CACNG7: variants seen among roughly 807,000 people sequenced by gnomAD.
CACNG7 encodes the protein calcium voltage-gated channel auxiliary subunit gamma 7.
A neutral mutation model predicts 26.3 loss-of-function variants in CACNG7; 9 were observed. The ratio of observed to expected loss-of-function variants is 0.34; its 90% CI spans 0.21 to 0.60. The LOEUF is 0.60. Ranked by LOEUF, CACNG7 falls within the 20% of genes least tolerant of loss-of-function variation. CACNG7 has a pLI of 0.81. For synonymous variants in CACNG7, 170 were observed against 157.0 expected, an observed-to-expected ratio of 1.08 and a Z score of -0.62; for missense variants, 297 against 380.4, an observed-to-expected ratio of 0.78 and a Z score of 1.82.
At chr19:53,911,801 G>A (rs1245189911) in intron 1 of CACNG7, among the ~76,000 whole-genome samples, 2 of 152,122 alleles carry the variant, frequency 1.3e-5, no homozygotes, top group African/African-American at 4.8e-5. Flanking sequence ...CTTAAATTGG[G>A]GTATCAAATG....
chr19:53,927,085 A>G (rs113223217), intron 4 of CACNG7, among the ~76,000 whole-genome samples: 2,978 of 151,644 alleles, frequency 0.02, 103 homozygotes, highest in African/African-American at 0.068. Flanking sequence ...ACGCCTGGCT[A>G]ATTTTTGTAT....
At chr19:53,924,836 GTTGCCCCAGGTCTGGTCATTGGTGGAC>G (rs2069010839) in intron 4 of CACNG7, among the ~76,000 whole-genome samples, 6 of 119,278 alleles carry the variant, frequency 5.0e-5, no homozygotes, top group Non-Finnish European at 7.1e-5. Context: ...CATTGGTGGA[GTTGCCCCAGGTCTGGTCATTGGTGGAC>G]TTGCCCCAGG....
chr19:53,932,576 C>T (rs57873490), intron 4 of CACNG7, among the ~76,000 whole-genome samples: 3,075 of 152,232 alleles, frequency 0.02, 27 homozygotes, highest in Middle Eastern at 0.044. Context: ...GCTCACTCTT[C>T]CCCATTGGCC....
In CACNG7 at chr19:53,939,660, G is replaced by A. The variant is rs571766779; in HGVS notation, c.425-1810G>A. Reference sequence around the variant, plus strand: ...CCTGTATATGGATATACCACATTTTGTTTATCCATTCATCAGCTGATGGGC... The same window carrying A: ...CCTGTATATGGATATACCACATTTTATTTATCCATTCATCAGCTGATGGGC... On this transcript the variant is annotated intron_variant, in intron 4 of 5. Coordinates refer to ENST00000391767, the MANE Select transcript of CACNG7 (RefSeq NM_031896.5). This position sits in a 1 kb window ranked among gnomAD's most constrained non-coding sequence, Gnocchi z 4.2. Among the ~76,000 whole-genome samples the A allele has an allele frequency of 6.6e-5, 10 of 152,032 alleles. No individual in the cohort carries two copies. The highest frequency in any genetic ancestry group is 1.5e-4 in the Non-Finnish European group (10 of 68,006).
chr19:53,919,353 G>T (rs1226500486), intron 4 of CACNG7, among the ~76,000 whole-genome samples: 1 of 152,256 alleles, frequency 6.6e-6, no homozygotes, highest in East Asian at 1.9e-4. Context: ...GCCCAGGTCT[G>T]GTCATTGGTG....
Position 53,942,331 on chromosome 19 carries a change from C to T in CACNG7, c.*38C>T, listed in dbSNP as rs1200959838. ...GGAGCTCCCCCTGCCTCCTCCTCCT[C>T]CTCGTCTTAGGGGGGTCTCCCTGCA... is the stretch of plus-strand genomic sequence containing the variant. On this transcript the variant is annotated 3_prime_UTR_variant, in exon 6 of 6. Coordinates refer to ENST00000391767, the MANE Select transcript of CACNG7 (RefSeq NM_031896.5). This position sits in a 1 kb window ranked among gnomAD's most constrained non-coding sequence, Gnocchi z 5.9. 14 of 1,477,710 alleles carry T rather than the reference C, an allele frequency of 9.5e-6. No homozygotes were observed. The highest frequency in any genetic ancestry group is 1.2e-5 in the Non-Finnish European group (14 of 1,120,242). The allele number at this position is 1,477,710 out of a possible 1,614,324, so 91.5% of individuals were successfully genotyped here. A position where few individuals can be genotyped will look rare whatever the true frequency, so the allele number is the denominator to read the frequency against.
chr19:53,941,466 C>T lies in CACNG7; in HGVS notation c.425-4C>T. The T allele has an allele frequency of 3.9e-6, 6 of 1,558,172 alleles. No individual in the cohort carries two copies. The highest frequency in any genetic ancestry group is 5.2e-6 in the Non-Finnish European group (6 of 1,157,718). ...GGACGAGGGCACCCCCTCTGCTCCC[C>T]TAGGCCTCTCCTTGGTGGTGGGCTT... On this transcript the variant is annotated splice_region_variant and splice_polypyrimidine_tract_variant and intron_variant, in intron 4 of 5. Coordinates refer to ENST00000391767, the MANE Select transcript of CACNG7 (RefSeq NM_031896.5).
Position 53,942,277 on chromosome 19 carries a change from C to T in CACNG7, c.812C>T (p.Ser271Phe). 6.2e-7 allele frequency: 1 copy of T among 1,611,800 alleles called. No homozygotes were observed. Among genetic ancestry groups the T allele is most frequent in the Non-Finnish European group, 8.5e-7 (1 of 1,179,256 alleles). The change falls in exon 6 of 6, where the codon TCC becomes TTC. Residue 271 changes from serine (S) to phenylalanine (F), a missense_variant. Ser to Phe is a radical substitution (Grantham distance 155). Coordinates refer to ENST00000391767, the MANE Select transcript of CACNG7 (RefSeq NM_031896.5). The surrounding 1 kb of genome is among the most constrained non-coding windows in gnomAD (Gnocchi z 5.9). ...AIKYPDHLHI[S>F]TSPC ...AAGTACCCGGACCACCTGCACATCT[C>T]CACCTCGCCCTGCTGAGGCCCGCCC...
chr19:53,912,828 G>C lies in CACNG7; in HGVS notation c.-4G>C. 3 of 1,611,528 alleles carry C rather than the reference G, an allele frequency of 1.9e-6. No homozygotes were observed. Among genetic ancestry groups the C allele is most frequent in the Non-Finnish European group, 2.5e-6 (3 of 1,179,926 alleles). On this transcript the variant is annotated 5_prime_UTR_variant, in exon 2 of 6. Transcript: ENST00000391767. The surrounding 1 kb of genome is among the most constrained non-coding windows in gnomAD (Gnocchi z 4.6). Reference sequence around the variant, plus strand: ...GCCCCGCAGGGCGCCCCCTGCCTCTGAGGATGAGTCACTGCAGCAGCCGCG... The same window carrying C: ...GCCCCGCAGGGCGCCCCCTGCCTCTCAGGATGAGTCACTGCAGCAGCCGCG...
Position 53,925,109 on chromosome 19 carries a change from G to A in CACNG7, c.424+9604G>A, listed in dbSNP as rs1198633793. 1.9e-3 allele frequency among the ~76,000 whole-genome samples: 149 copies of A among 77,146 alleles called. 8 individuals carry two copies. Among genetic ancestry groups the A allele is most frequent in the African/African-American group, 2.0e-3 (28 of 13,718 alleles). 50.6% of individuals were successfully genotyped at this position (77,146 alleles called of 152,430 possible). On this transcript the variant is annotated intron_variant, in intron 4 of 5. Coordinates refer to ENST00000391767, the MANE Select transcript of CACNG7 (RefSeq NM_031896.5). ...GTCTGGTCATTGGTGGACTTGCCTAGGGCTGGTCATTGGTGGACTTGCCTA... is the reference window on the plus strand; with the variant it reads ...GTCTGGTCATTGGTGGACTTGCCTAAGGCTGGTCATTGGTGGACTTGCCTA...
chr19:53,926,545 T>G (rs75453955), intron 4 of CACNG7, among the ~76,000 whole-genome samples: 10,733 of 152,194 alleles, frequency 0.071, 477 homozygotes, highest in Admixed American at 0.11. Context: ...TTATTTCATA[T>G]TTTTTCATAG....
intron 4 of CACNG7, among the ~76,000 whole-genome samples, chr19:53,930,239 C>T (rs1193810377): frequency 3.3e-5 from 5 of 150,700 alleles, no homozygotes; most frequent in Non-Finnish European, 4.4e-5. Context: ...GACAGAGTCT[C>T]ACTCTGTCAC....
chr19:53,927,897 T>G (rs1218782645), intron 4 of CACNG7, among the ~76,000 whole-genome samples: 4 of 151,392 alleles, frequency 2.6e-5, no homozygotes, highest in African/African-American at 9.7e-5. Context: ...TCGACGCCAG[T>G]GCACCTGTCC....
intron 2 of CACNG7, among the ~76,000 whole-genome samples, chr19:53,914,282 A>G (rs1371104781): frequency 7.3e-6 from 1 of 136,232 alleles, no homozygotes; most frequent in African/African-American, 2.9e-5. Flanking sequence ...TCAAAAAAAA[A>G]AAAAAGAAAA....
intron 4 of CACNG7, among the ~76,000 whole-genome samples, chr19:53,925,024 G>GC (rs1197237999): frequency 2.5e-3 from 232 of 93,724 alleles, no homozygotes; most frequent in African/African-American, 3.4e-3. Flanking sequence ...TGGTGGACTT[G>GC]CCTAGGGCTG....
chr19:53,927,265 C>T (rs908660716), intron 4 of CACNG7, among the ~76,000 whole-genome samples: 1 of 152,076 alleles, frequency 6.6e-6, no homozygotes, highest in South Asian at 2.1e-4. Context: ...ATCTTAGAGC[C>T]TAGAGGTGTT....
chr19:53,916,111 C>T (rs1568771004), intron 4 of CACNG7, among the ~76,000 whole-genome samples: 1 of 152,228 alleles, frequency 6.6e-6, no homozygotes, highest in East Asian at 1.9e-4. Context: ...TATGTCCAAC[C>T]ATCCATCAAT....
intron 4 of CACNG7, 79 bp from the exon 5 acceptor site, chr19:53,941,391 G>A: frequency 7.0e-7 from 1 of 1,435,638 alleles, no homozygotes; most frequent in Non-Finnish European, 9.2e-7. Context: ...GGGGAGGAGG[G>A]GAAGGCAGTG....
chr19:53,924,840 C>T (rs1195672157), intron 4 of CACNG7, among the ~76,000 whole-genome samples: 2 of 127,140 alleles, frequency 1.6e-5, no homozygotes, highest in East Asian at 2.5e-4. Flanking sequence ...GGTGGAGTTG[C>T]CCCAGGTCTG....
Sources: allele counts gnomAD v4.1 joint callset (sites outside exome capture counted in the v4.1 genomes callset), GRCh38; gene constraint gnomAD v4.1.1; non-coding constraint Gnocchi (gnomAD v3.1); transcripts MANE v1.5; gene names NCBI Gene and HGNC (gene_info 2026-07-23, HGNC 2026-07-21).